The following ZFPM2 variants were observed in gnomAD, a reference collection of about 807,000 sequenced individuals.
ZFPM2 encodes the protein zinc finger protein, FOG family member 2.
In ZFPM2, 20 loss-of-function variants were observed where a neutral mutation model predicts 98.6. The ratio of observed to expected loss-of-function variants is 0.20; its 90% CI spans 0.14 to 0.29. The LOEUF (loss-of-function observed/expected upper bound fraction) is 0.29, where lower values mean the gene tolerates loss of function less well. Among genes scored for constraint, ZFPM2 ranks in the 10% least tolerant of loss-of-function variants. The pLI is 1.00. For missense variants in ZFPM2, 1,310 were observed against 1,388.6 expected (o/e 0.94, Z 0.90); for synonymous variants, 518 against 502.7 (o/e 1.03, Z -0.41).
At chr8:105,508,512 A>G (rs188545842) in intron 3 of ZFPM2, among the ~76,000 whole-genome samples, 1 of 152,194 alleles carries the variant, frequency 6.6e-6, no homozygotes, top group East Asian at 1.9e-4. Flanking sequence ...AGAGACCTTA[A>G]CCAGGAATAT....
At chr8:105,615,605 T>G (rs776325964) in intron 4 of ZFPM2, among the ~76,000 whole-genome samples, 1 of 152,252 alleles carries the variant, frequency 6.6e-6, no homozygotes, top group South Asian at 2.1e-4. Flanking sequence ...CCCATGAATT[T>G]ATTTTTAACA....
intron 4 of ZFPM2, among the ~76,000 whole-genome samples, chr8:105,578,404 TGTTTTACTCCAGTTTCTCCA>T (rs1388527653): frequency 1.1e-5 from 1 of 88,078 alleles, no homozygotes; most frequent in Non-Finnish European, 2.2e-5. Context: ...TATTTTATAT[TGTTTTACTCCAGTTTCTCCA>T]GTTTTACTCC....
chr8:105,754,484 A>G (rs984563762), intron 5 of ZFPM2, among the ~76,000 whole-genome samples: 1 of 152,060 alleles, frequency 6.6e-6, no homozygotes, highest in Non-Finnish European at 1.5e-5. Context: ...CAGAGATGAA[A>G]AGTTCAAGAT....
chr8:105,413,664 T>A (rs914444336), intron 1 of ZFPM2, among the ~76,000 whole-genome samples: 6 of 151,488 alleles, frequency 4.0e-5, no homozygotes, highest in Non-Finnish European at 8.8e-5. Flanking sequence ...TGAAAAAGAG[T>A]TCAAAAGAGC....
chr8:105,436,707 C>T (rs1812126509), intron 2 of ZFPM2, among the ~76,000 whole-genome samples: 1 of 152,112 alleles, frequency 6.6e-6, no homozygotes, highest in African/African-American at 2.4e-5. Context: ...CTGGTTCTGC[C>T]ACTTACTAGC....
chr8:105,466,418 T>C (rs778333797), intron 3 of ZFPM2, among the ~76,000 whole-genome samples: 61 of 152,074 alleles, frequency 4.0e-4, no homozygotes, highest in Non-Finnish European at 7.7e-4. Context: ...AGCTAATTAT[T>C]AGTCAATTTT....
chr8:105,601,067 G>A (rs1816081291), intron 4 of ZFPM2, among the ~76,000 whole-genome samples: 1 of 152,068 alleles, frequency 6.6e-6, no homozygotes, highest in Admixed American at 6.6e-5. Flanking sequence ...CCATGGCTGA[G>A]CCATCCTGCT....
chr8:105,529,922 G>A (rs1814259831), intron 3 of ZFPM2, among the ~76,000 whole-genome samples: 1 of 151,800 alleles, frequency 6.6e-6, no homozygotes, highest in Admixed American at 6.6e-5. Flanking sequence ...GTAGAGACGG[G>A]GTTTCACCAT....
At chr8:105,553,331 A>G (rs1227670407) in intron 3 of ZFPM2, among the ~76,000 whole-genome samples, 1 of 152,162 alleles carries the variant, frequency 6.6e-6, no homozygotes, top group African/African-American at 2.4e-5. Context: ...ATATATGTCA[A>G]TATTTGGTAG....
intron 4 of ZFPM2, among the ~76,000 whole-genome samples, chr8:105,591,758 C>G (rs1815849510): frequency 6.6e-6 from 1 of 152,042 alleles, no homozygotes; most frequent in Non-Finnish European, 1.5e-5. Context: ...ATAACACAAG[C>G]AGTTATTAAA....
intron 5 of ZFPM2, among the ~76,000 whole-genome samples, chr8:105,689,917 G>T (rs567892698): frequency 1.3e-5 from 2 of 152,272 alleles, no homozygotes; most frequent in South Asian, 4.1e-4. Context: ...CTGAAAGAGA[G>T]AAAAAGTGAA....
chr8:105,469,585 C>T (rs1812858948), intron 3 of ZFPM2, among the ~76,000 whole-genome samples: 1 of 152,188 alleles, frequency 6.6e-6, no homozygotes, highest in Non-Finnish European at 1.5e-5. Flanking sequence ...GGTTTCGTCA[C>T]CTTCTAGCTC....
At chr8:105,512,504 A>G (rs1813837893) in intron 3 of ZFPM2, among the ~76,000 whole-genome samples, 1 of 152,182 alleles carries the variant, frequency 6.6e-6, no homozygotes, top group Non-Finnish European at 1.5e-5. Flanking sequence ...GATTAGTTTT[A>G]TGCATTTTTT....
chr8:105,703,109 C>G (rs1678086592), intron 5 of ZFPM2, among the ~76,000 whole-genome samples: 1 of 151,992 alleles, frequency 6.6e-6, no homozygotes, highest in African/African-American at 2.4e-5. Flanking sequence ...GGTTCTAGAC[C>G]AAGGATTAGC....
chr8:105,359,681 G>C (rs750176417), intron 1 of ZFPM2, among the ~76,000 whole-genome samples: 67 of 151,966 alleles, frequency 4.4e-4, no homozygotes, highest in Admixed American at 1.1e-3. Flanking sequence ...GCCCCACTCT[G>C]GGGTATTTCT....
At chr8:105,435,703 A>C (rs1586370011) in intron 2 of ZFPM2, among the ~76,000 whole-genome samples, 1 of 152,318 alleles carries the variant, frequency 6.6e-6, no homozygotes, top group Non-Finnish European at 1.5e-5. Context: ...AATTTCATTT[A>C]AACTAGGAAG....
intron 5 of ZFPM2, among the ~76,000 whole-genome samples, chr8:105,780,019 C>A (rs1414204513): frequency 6.6e-6 from 1 of 152,182 alleles, no homozygotes; most frequent in African/African-American, 2.4e-5. Context: ...TGCACAAGAA[C>A]CTTGATCATA....
At chr8:105,334,373 G>T (rs1812288693) in intron 1 of ZFPM2, among the ~76,000 whole-genome samples, 2 of 151,586 alleles carry the variant, frequency 1.3e-5, no homozygotes, top group Admixed American at 6.6e-5. Context: ...AATGATAAAT[G>T]TTTCTATAGT....
At chr8:105,462,446 G>T (rs1167828655) in intron 3 of ZFPM2, among the ~76,000 whole-genome samples, 1 of 152,116 alleles carries the variant, frequency 6.6e-6, no homozygotes, top group Non-Finnish European at 1.5e-5. Flanking sequence ...GAGAGACTAA[G>T]GTTACAAGTC....
Sources: allele counts gnomAD v4.1 joint callset (sites outside exome capture counted in the v4.1 genomes callset), GRCh38; gene constraint gnomAD v4.1.1; transcripts MANE v1.5; gene names NCBI Gene and HGNC (gene_info 2026-07-23, HGNC 2026-07-21).